Variants in CERS3 observed in about 807,000 individuals in gnomAD.
The protein encoded by CERS3 is LAG1 homolog, ceramide synthase 3.
A neutral mutation model predicts 50.3 loss-of-function variants in CERS3; 33 were observed. The observed-to-expected ratio is 0.66, with a 90% CI of 0.50 to 0.88. CERS3 has a LOEUF of 0.88. Ranked by LOEUF, CERS3 falls within the 40% of genes least tolerant of loss-of-function variation. The pLI, the probability that CERS3 is intolerant of heterozygous loss-of-function variation, is 0.00. For missense variants in CERS3, 470 were observed against 460.3 expected, an observed-to-expected ratio of 1.02 and a Z score of -0.19; for synonymous variants, 176 against 155.2, an observed-to-expected ratio of 1.13 and a Z score of -0.99.
intron 1 of CERS3, among the ~76,000 whole-genome samples, chr15:100,541,026 G>A (rs1232942280): frequency 1.1e-4 from 16 of 152,142 alleles, no homozygotes; most frequent in Non-Finnish European, 1.0e-4. Flanking sequence ...TACCGTCCCT[G>A]CTTTCCAGCT....
intron 11 of CERS3, among the ~76,000 whole-genome samples, chr15:100,443,091 T>C (rs200428082): frequency 0.037 from 4,763 of 130,084 alleles, 1 homozygote; most frequent in East Asian, 0.25. Context: ...TCCCTGACTA[T>C]TCCTGGGCTA....
At chr15:100,532,939 C>T (rs2036974541), upstream of CERS3, among the ~76,000 whole-genome samples, 4 of 152,142 alleles carry the variant, frequency 2.6e-5, no homozygotes, top group Admixed American at 2.6e-4. Flanking sequence ...GTCATAAAGT[C>T]ATCTCTCCTC....
At chr15:100,460,711 C>T (rs961722625) in intron 10 of CERS3, among the ~76,000 whole-genome samples, 2 of 152,234 alleles carry the variant, frequency 1.3e-5, no homozygotes, top group Non-Finnish European at 2.9e-5. Flanking sequence ...CCTCTGGGTC[C>T]TTCCCTTGTC....
At chr15:100,458,170 T>G (rs1338612915) in intron 10 of CERS3, among the ~76,000 whole-genome samples, 1 of 152,338 alleles carries the variant, frequency 6.6e-6, no homozygotes, top group South Asian at 2.1e-4. Context: ...GTTTCAAAAT[T>G]TGTTAATTTA....
intron 11 of CERS3, among the ~76,000 whole-genome samples, chr15:100,439,038 C>T (rs80163035): frequency 0.016 from 2,497 of 152,234 alleles, 29 homozygotes; most frequent in Admixed American, 0.027. Flanking sequence ...AATGTATGGG[C>T]TAGTAGCTCA....
chr15:100,516,676 C>A (rs1017849918), intron 2 of CERS3, among the ~76,000 whole-genome samples: 2 of 152,208 alleles, frequency 1.3e-5, no homozygotes, highest in African/African-American at 4.8e-5. Flanking sequence ...AGCCTCCTCC[C>A]CCATTGTGTT....
intron 2 of CERS3, among the ~76,000 whole-genome samples, chr15:100,512,371 C>T (rs2036368996): frequency 6.6e-6 from 1 of 152,162 alleles, no homozygotes; most frequent in Non-Finnish European, 1.5e-5. Flanking sequence ...GCTCCAGCAA[C>T]CCCCAGCTGC....
At chr15:100,482,670 T>A (rs2035349065) in intron 5 of CERS3, among the ~76,000 whole-genome samples, 1 of 151,726 alleles carries the variant, frequency 6.6e-6, no homozygotes, top group Non-Finnish European at 1.5e-5. Context: ...AGCACAAGGG[T>A]CACCATGAGA....
At chr15:100,505,561 C>T (rs992384011) in intron 2 of CERS3, among the ~76,000 whole-genome samples, 2 of 152,200 alleles carry the variant, frequency 1.3e-5, no homozygotes, top group East Asian at 3.8e-4. Flanking sequence ...ATTGCAGCTT[C>T]AGAAGTATTA....
At chr15:100,538,945 C>G (rs551594348) in intron 1 of CERS3, among the ~76,000 whole-genome samples, 1 of 152,166 alleles carries the variant, frequency 6.6e-6, no homozygotes, top group Non-Finnish European at 1.5e-5. Context: ...AAACTGAATG[C>G]CTTTAAGAGC....
At chr15:100,431,030 G>A (rs528521263) in intron 11 of CERS3, among the ~76,000 whole-genome samples, 1 of 152,240 alleles carries the variant, frequency 6.6e-6, no homozygotes, top group Admixed American at 6.5e-5. Flanking sequence ...GTCACTGGTG[G>A]GGCCTGAGAT....
intron 11 of CERS3, among the ~76,000 whole-genome samples, chr15:100,429,525 C>T (rs2033004692): frequency 6.6e-6 from 1 of 152,200 alleles, no homozygotes; most frequent in African/African-American, 2.4e-5. Flanking sequence ...CATTCACTAT[C>T]TGCTTCCTTT....
chr15:100,521,041 C>T (rs1265783447), intron 2 of CERS3, among the ~76,000 whole-genome samples: 1 of 152,114 alleles, frequency 6.6e-6, no homozygotes, highest in Admixed American at 6.5e-5. Context: ...TGCATGCTTC[C>T]AATTTGCAGG....
chr15:100,432,958 C>T (rs925124325), intron 11 of CERS3, among the ~76,000 whole-genome samples: 5 of 152,038 alleles, frequency 3.3e-5, no homozygotes, highest in African/African-American at 7.2e-5. Flanking sequence ...TAGTTCAGGC[C>T]GGGTGCAGTG....
intron 1 of CERS3, among the ~76,000 whole-genome samples, chr15:100,543,067 C>G (rs1317825185): frequency 6.6e-6 from 1 of 152,126 alleles, no homozygotes; most frequent in Non-Finnish European, 1.5e-5. Flanking sequence ...GTGCCCACCA[C>G]CACACCTGGC....
chr15:100,502,000 A>G (rs2036018467), intron 2 of CERS3, 150 bp from the exon 3 acceptor site: 2 of 696,728 alleles, frequency 2.9e-6, no homozygotes, highest in African/African-American at 3.6e-5. Flanking sequence ...CAATATCAGC[A>G]CTTTGGGAGA....
At chr15:100,416,007 A>G (rs1167676855) in intron 11 of CERS3, among the ~76,000 whole-genome samples, 1 of 152,196 alleles carries the variant, frequency 6.6e-6, no homozygotes, top group Non-Finnish European at 1.5e-5. Flanking sequence ...CAAATGGAAA[A>G]ATGTTCCATA....
At chr15:100,538,853 C>T (rs2037134458) in intron 1 of CERS3, among the ~76,000 whole-genome samples, 1 of 152,238 alleles carries the variant, frequency 6.6e-6, no homozygotes, top group Non-Finnish European at 1.5e-5. Context: ...AATCATCAAG[C>T]TGCAAATTTT....
In CERS3 at chr15:100,430,899, G is replaced by A. The variant is rs944140544; in HGVS notation, c.999+24994C>T. ...ATTGAGTTCTGTGAACTCTGGCTACGCGTGGCCGTTTTCCTTTCAGTTGTC... is the reference window on the plus strand; with the variant it reads ...ATTGAGTTCTGTGAACTCTGGCTACACGTGGCCGTTTTCCTTTCAGTTGTC... On this transcript the variant is annotated intron_variant, in intron 11 of 11. Coordinates refer to ENST00000679737, the MANE Select transcript of CERS3 (RefSeq NM_001378789.1). Among the ~76,000 whole-genome samples the A allele has an allele frequency of 5.3e-5, 8 of 152,204 alleles. No homozygotes were observed. The East Asian group carries it at 5.8e-4, about 11-fold the overall frequency.
Sources: allele counts gnomAD v4.1 joint callset (sites outside exome capture counted in the v4.1 genomes callset), GRCh38; gene constraint gnomAD v4.1.1; transcripts MANE v1.5; gene names NCBI Gene and HGNC (gene_info 2026-07-23, HGNC 2026-07-21).